The following CBX7 variants were observed in gnomAD, a reference collection of about 807,000 sequenced individuals.
The protein encoded by CBX7 is chromobox protein homolog 7.
A neutral mutation model predicts 31.4 loss-of-function variants in CBX7; 14 were observed. That is an observed-to-expected ratio of 0.45 (90% CI 0.29 to 0.70). The LOEUF (loss-of-function observed/expected upper bound fraction) is 0.70, where lower values mean the gene tolerates loss of function less well. Among genes scored for constraint, CBX7 ranks in the 30% least tolerant of loss-of-function variants. The pLI is 0.11. For synonymous variants in CBX7, 159 were observed against 152.6 expected (o/e 1.04, Z -0.31); for missense variants, 269 against 351.9 (o/e 0.76, Z 1.89).
intron 5 of CBX7, 153 bp from the exon 6 acceptor site, chr22:39,134,201 G>T: frequency 1.1e-6 from 1 of 881,364 alleles, no homozygotes; most frequent in Non-Finnish European, 1.7e-6. Flanking sequence ...GAGGGCACTG[G>T]GTGCATCCTC....
At chr22:39,139,025 A>C (rs1204574684) in intron 3 of CBX7, among the ~76,000 whole-genome samples, 1 of 152,214 alleles carries the variant, frequency 6.6e-6, no homozygotes, top group Admixed American at 6.5e-5. Context: ...AGGACCCCCT[A>C]AAAACGTGGC....
intron 2 of CBX7, among the ~76,000 whole-genome samples, chr22:39,143,480 AATTT>A (rs1930532532): frequency 6.6e-6 from 1 of 152,224 alleles, no homozygotes; most frequent in Admixed American, 6.5e-5. Context: ...AGCTCAGGTT[AATTT>A]ATTACTGAAG....
Position 39,134,744 on chromosome 22 carries a change from G to A in CBX7, c.255C>T (p.Tyr85=), listed in dbSNP as rs1239738549. Reference sequence around the variant, plus strand: ...TGTGGGAGCTCCGCAGGTCCATGCTGTACAGCCGCTGCGGGGGCAAGCCAG... The same window carrying A: ...TGTGGGAGCTCCGCAGGTCCATGCTATACAGCCGCTGCGGGGGCAAGCCAG... ...KPKRLLLQRL[Y]SMDLRSSHKA... is the part of the protein sequence containing the mutation. Residue 85 remains tyrosine, a synonymous_variant, in exon 5 of 6, where the codon TAC becomes TAT. Coordinates refer to ENST00000216133, the MANE Select transcript of CBX7 (RefSeq NM_175709.5). 1.3e-6 allele frequency: 2 copies of A among 1,529,692 alleles called. No individual in the cohort carries two copies. The highest frequency in any genetic ancestry group is 1.8e-6 in the Non-Finnish European group (2 of 1,131,652). 94.8% of individuals were successfully genotyped at this position (1,529,692 alleles called of 1,614,324 possible).
At chr22:39,138,781 C>A in intron 3 of CBX7, 79 bp from the exon 4 acceptor site, 3 of 1,326,360 alleles carry the variant, frequency 2.3e-6, no homozygotes, top group Non-Finnish European at 2.2e-6. Context: ...GCTTCGCCCG[C>A]CCTCTGCTGT....
intron 2 of CBX7, among the ~76,000 whole-genome samples, chr22:39,143,338 GAAGA>G (rs780357057): frequency 2.4e-4 from 36 of 151,670 alleles, no homozygotes; most frequent in Admixed American, 7.2e-4. Context: ...TTTTTAAATA[GAAGA>G]AAGCTTATAG....
chr22:39,149,513 A>G lies in CBX7; in HGVS notation c.113+276T>C, dbSNP rs1930777054. 3.3e-5 allele frequency: 17 copies of G among 518,086 alleles called. 2 individuals are homozygous for G. The South Asian group carries it at 3.9e-4, about 12-fold the overall frequency. The allele number at this position is 518,086 out of a possible 1,614,324, so 32.1% of individuals were successfully genotyped here. On this transcript the variant is annotated intron_variant, in intron 2 of 5. Transcript: ENST00000216133. The stretch of plus-strand genomic sequence containing the variant: ...CCTCCCAGTTGCCAAGAAAAGCCAC[A>G]GGGAGGGGAGGAGGGAGAGCAGAAG...
chr22:39,139,371 G>A (rs1255754491), intron 3 of CBX7, among the ~76,000 whole-genome samples: 1 of 151,880 alleles, frequency 6.6e-6, no homozygotes, highest in African/African-American at 2.4e-5. Context: ...GATCACTTAA[G>A]CTCAGGAGTT....
Position 39,138,849 on chromosome 22 carries a change from C to A in CBX7, c.180-147G>T, listed in dbSNP as rs1257928072. 5 of 729,730 alleles carry A rather than the reference C, an allele frequency of 6.9e-6. No individual in the cohort carries two copies. The South Asian group carries it at 8.0e-5, about 12-fold the overall frequency. 45.2% of individuals were successfully genotyped at this position (729,730 alleles called of 1,614,324 possible). The stretch of plus-strand genomic sequence containing the variant: ...CCCACCAATCCTCCCCATTGCCTGG[C>A]TGGGGCCATAACAACGGGGTCAGAT... On this transcript the variant is annotated intron_variant, in intron 3 of 5. Transcript: ENST00000216133.
intron 1 of CBX7, among the ~76,000 whole-genome samples, chr22:39,150,664 G>A (rs1930818453): frequency 6.6e-6 from 1 of 152,174 alleles, no homozygotes; most frequent in African/African-American, 2.4e-5. Context: ...CAGCTACACA[G>A]GAGGCTGAGG....
At position 39,134,572 on chromosome 22, in the gene CBX7, G is replaced by A. The variant is rs1377585524; in HGVS notation, c.427C>T (p.Arg143Ter). 5 of 1,602,466 alleles carry A rather than the reference G, an allele frequency of 3.1e-6. No individual in the cohort carries two copies. Among genetic ancestry groups the A allele is most frequent in the Non-Finnish European group, 2.6e-6 (3 of 1,175,178 alleles). ...AGCCGCAGGTACTTGTGGGCCTTTC[G>A]GGGCTTGCGGAGCGGGAAGGGCAGG... ...PTLPFPLRKP[R>*]KAHKYLRLSR... Residue 143 changes from arginine (R) to a stop codon, truncating the protein, a stop_gained, in exon 5 of 6, where the codon CGA (arginine) becomes TGA (stop). Transcript: ENST00000216133. LOFTEE classifies it high-confidence loss of function.
chr22:39,137,389 C>T (rs1930292544), intron 4 of CBX7, among the ~76,000 whole-genome samples: 1 of 152,044 alleles, frequency 6.6e-6, no homozygotes, highest in Admixed American at 6.6e-5. Context: ...ACTCTTATCA[C>T]CCAGGCTGGA....
chr22:39,145,636 G>A (rs1930625094), intron 2 of CBX7, among the ~76,000 whole-genome samples: 1 of 151,074 alleles, frequency 6.6e-6, no homozygotes, highest in South Asian at 2.1e-4. Context: ...CGTGGGAGGG[G>A]GCGGAGCGCC....
Position 39,134,036 on chromosome 22 carries a change from A to C in CBX7, c.611T>G (p.Leu204Arg), listed in dbSNP as rs754700328. ...TGTCCAGGGAGGGGGCCCCTCGGCC[A>C]GGTCGGCATCTGCTGCAGCGTCAGA... Reference protein sequence around the residue: ...QPPEEEADADLAEGPPPWTPA... With the variant: ...QPPEEEADADRAEGPPPWTPA... The change falls in exon 6 of 6, where the codon CTG becomes CGG. Residue 204 changes from leucine (L) to arginine (R), a missense_variant. Leu to Arg is a moderately radical substitution (Grantham distance 102, BLOSUM62 -2). Around this residue, in one of 2 missense-constraint regions of CBX7, gnomAD observed 222 missense variants for 240.4 expected, o/e 0.92. Coordinates refer to ENST00000216133, the MANE Select transcript of CBX7 (RefSeq NM_175709.5). 1 of 1,602,182 alleles carries C rather than the reference A, an allele frequency of 6.2e-7. No homozygotes were observed. The highest frequency in any genetic ancestry group is 8.5e-7 in the Non-Finnish European group (1 of 1,172,544).
At chr22:39,142,551 G>A (rs1034274473) in intron 2 of CBX7, among the ~76,000 whole-genome samples, 1 of 152,230 alleles carries the variant, frequency 6.6e-6, no homozygotes, top group Admixed American at 6.5e-5. Context: ...TCAGCGCAGC[G>A]GCTCCAGAGC....
rs188992665 is a variant in CBX7 at position 39,145,991 on chromosome 22, G to C, written c.113+3798C>G. ...CTGTGACGCAGGCGGCCTTGGGGCA[G>C]GTGGAACCACCCGGAACCCCGCAGA... On this transcript the variant is annotated intron_variant, in intron 2 of 5. Coordinates refer to ENST00000216133, the MANE Select transcript of CBX7 (RefSeq NM_175709.5). 3.3e-3 allele frequency among the ~76,000 whole-genome samples: 496 copies of C among 152,282 alleles called. 1 individual carries two copies. The highest frequency in any genetic ancestry group is 5.6e-3 in the Non-Finnish European group (378 of 68,002).
At position 39,134,193 on chromosome 22, in the gene CBX7, G is replaced by A. The variant is rs1053518260; in HGVS notation, c.599-145C>T. 6 of 922,200 alleles carry A rather than the reference G, an allele frequency of 6.5e-6. No individual in the cohort carries two copies. The African/African-American group carries it at 1.0e-4, about 15-fold the overall frequency. The allele number at this position is 922,200 out of a possible 1,614,324, so 57.1% of individuals were successfully genotyped here. Reference sequence around the variant, plus strand: ...ACACAGGGCTGGACACTTGGGAGGAGGGCACTGGGTGCATCCTCCCCACCT... The same window carrying A: ...ACACAGGGCTGGACACTTGGGAGGAAGGCACTGGGTGCATCCTCCCCACCT... On this transcript the variant is annotated intron_variant, in intron 5 of 5. Transcript: ENST00000216133.
chr22:39,149,766 C>A (rs377014158), intron 2 of CBX7, 23 bp downstream of exon 2: 1 of 1,607,952 alleles, frequency 6.2e-7, no homozygotes, highest in Admixed American at 1.7e-5. Context: ...GACAGACAGA[C>A]ACACACACAT....
intron 2 of CBX7, among the ~76,000 whole-genome samples, chr22:39,146,962 C>T (rs1442767357): frequency 6.6e-6 from 1 of 152,142 alleles, no homozygotes; most frequent in Admixed American, 6.5e-5. Flanking sequence ...CCGAGCCCCT[C>T]CCTGTGCCAT....
rs554037245 is a variant in CBX7 at position 39,132,408 on chromosome 22, T to G, written c.*1483A>C. 1.3e-4 allele frequency: 20 copies of G among 152,428 alleles called. No individual in the cohort carries two copies. The highest frequency in any genetic ancestry group is 4.8e-4 in the African/African-American group (20 of 41,560). The allele number at this position is 152,428 out of a possible 1,614,324, so 9.4% of individuals were successfully genotyped here. ...CCAAGGAAAGACAGGGGAGCCGGCC[T>G]TTTCCATGCTCCCCTTGGGCCCCCC... On this transcript the variant is annotated 3_prime_UTR_variant, in exon 6 of 6. Coordinates refer to ENST00000216133, the MANE Select transcript of CBX7 (RefSeq NM_175709.5).
Sources: gnomAD v4.1 joint callset for allele counts (sites outside exome capture counted in the v4.1 genomes callset) on GRCh38, gnomAD v4.1.1 for gene constraint, gnomAD v4.1.1 regional missense constraint, MANE v1.5 for transcripts, NCBI Gene and HGNC (gene_info 2026-07-23, HGNC 2026-07-21) for gene names.